The following CAMK2G variants were observed in gnomAD, a reference collection of about 807,000 sequenced individuals.
CAMK2G encodes the protein calcium/calmodulin-dependent protein kinase type II subunit gamma.
In CAMK2G, 23 loss-of-function variants were observed where a neutral mutation model predicts 88.7. The ratio of observed to expected loss-of-function variants is 0.26; its 90% CI spans 0.19 to 0.37. The LOEUF (loss-of-function observed/expected upper bound fraction) is 0.37, where lower values mean the gene tolerates loss of function less well. Ranked by LOEUF, CAMK2G falls within the 10% of genes least tolerant of loss-of-function variation. The pLI is 1.00. For missense variants in CAMK2G, 476 were observed against 780.8 expected (o/e 0.61, Z 4.65); for synonymous variants, 263 against 294.8 (o/e 0.89, Z 1.11).
intron 16 of CAMK2G, 100 bp from the exon 17 acceptor site, chr10:73,824,184 G>T: frequency 1.2e-6 from 1 of 823,704 alleles, no homozygotes; most frequent in Non-Finnish European, 2.1e-6. Context: ...CAGACCCTAT[G>T]ATGACCACTG....
At chr10:73,816,807 T>A in intron 21 of CAMK2G, 1 of 1,523,154 alleles carries the variant, frequency 6.6e-7, no homozygotes. Context: ...ACAAAGCAGC[T>A]GCAGAATGAA....
At chr10:73,843,683 A>G (rs948254448) in intron 10 of CAMK2G, among the ~76,000 whole-genome samples, 7 of 152,172 alleles carry the variant, frequency 4.6e-5, no homozygotes, top group African/African-American at 1.7e-4. Context: ...ACCTGCAGCC[A>G]GGTGCCCACC....
chr10:73,818,199 C>T (rs1589752774), intron 19 of CAMK2G: 1 of 172,972 alleles, frequency 5.8e-6, no homozygotes, highest in East Asian at 1.5e-4. Flanking sequence ...AGAGAGGCTG[C>T]TCCATTTACC....
intron 17 of CAMK2G, among the ~76,000 whole-genome samples, chr10:73,822,092 C>T (rs993827206): frequency 6.6e-6 from 1 of 152,242 alleles, no homozygotes; most frequent in African/African-American, 2.4e-5. Context: ...AACCTGACTC[C>T]AGGCCACCAG....
intron 2 of CAMK2G, among the ~76,000 whole-genome samples, chr10:73,866,406 GC>G (rs1177450267): frequency 3.3e-5 from 5 of 152,034 alleles, no homozygotes; most frequent in African/African-American, 1.2e-4. Flanking sequence ...GGGAGGGCTG[GC>G]CACAGATTCT....
intron 3 of CAMK2G, among the ~76,000 whole-genome samples, chr10:73,860,313 G>A (rs1487903017): frequency 6.6e-6 from 1 of 152,192 alleles, no homozygotes; most frequent in Non-Finnish European, 1.5e-5. Context: ...AGTGGTTCCT[G>A]CCATCCCTTC....
At chr10:73,850,197 A>G (rs2094520084) in intron 5 of CAMK2G, among the ~76,000 whole-genome samples, 2 of 152,130 alleles carry the variant, frequency 1.3e-5, no homozygotes, top group Non-Finnish European at 2.9e-5. Context: ...AGGTCTCACC[A>G]TGTTGCCCAG....
chr10:73,874,548 A>T lies in CAMK2G; in HGVS notation c.-87T>A. 2 of 910,778 alleles carry T rather than the reference A, an allele frequency of 2.2e-6. No homozygotes were observed. The highest frequency in any genetic ancestry group is 1.5e-6 in the Non-Finnish European group (1 of 651,850). The allele number at this position is 910,778 out of a possible 1,614,324, so 56.4% of individuals were successfully genotyped here. The stretch of plus-strand genomic sequence containing the variant: ...GCCCGGCCGAGGGAGCAAGAGGAGG[A>T]GACGGGGCTGAGCCCGGCAGCACCG... On this transcript the variant is annotated 5_prime_UTR_variant, in exon 1 of 23. Coordinates refer to ENST00000423381, the MANE Select transcript of CAMK2G (RefSeq NM_001367534.1).
intron 2 of CAMK2G, among the ~76,000 whole-genome samples, chr10:73,866,407 C>A (rs2135763407): frequency 6.6e-6 from 1 of 152,192 alleles, no homozygotes; most frequent in Middle Eastern, 3.4e-3. Flanking sequence ...GGAGGGCTGG[C>A]CACAGATTCT....
At chr10:73,852,757 G>A in intron 4 of CAMK2G, 1 of 237,288 alleles carries the variant, frequency 4.2e-6, no homozygotes, top group South Asian at 7.1e-5. Context: ...GTGTCCAGGA[G>A]GTAAGAGCCA....
chr10:73,825,376 C>G (rs1303934072), intron 15 of CAMK2G, 29 bp from the exon 16 acceptor site: 3 of 1,577,922 alleles, frequency 1.9e-6, no homozygotes, highest in Non-Finnish European at 2.6e-6. Flanking sequence ...TGGTTTAGTT[C>G]CTCCAGAGTC....
intron 1 of CAMK2G, chr10:73,873,640 A>C (rs1175487371): frequency 1.2e-5 from 6 of 508,464 alleles, no homozygotes; most frequent in Non-Finnish European, 1.5e-5. Context: ...GGACACAGTC[A>C]GACATCAAGA....
intron 21 of CAMK2G, chr10:73,816,145 T>C: frequency 2.0e-6 from 2 of 985,620 alleles, no homozygotes; most frequent in Non-Finnish European, 2.4e-6. Flanking sequence ...GAGGGTCTCA[T>C]AGAGCAGAGA....
chr10:73,873,313 C>G, intron 1 of CAMK2G: 2 of 1,353,744 alleles, frequency 1.5e-6, no homozygotes, highest in Non-Finnish European at 1.9e-6. Context: ...ACCCCCTCAT[C>G]CAGTCCCTGG....
At chr10:73,863,023 T>G (rs2095446428) in intron 2 of CAMK2G, among the ~76,000 whole-genome samples, 1 of 152,196 alleles carries the variant, frequency 6.6e-6, no homozygotes. Context: ...GGATTCAAAC[T>G]CAGGACTGTC....
chr10:73,828,963 G>A (rs2091824067), intron 14 of CAMK2G, among the ~76,000 whole-genome samples: 1 of 152,166 alleles, frequency 6.6e-6, no homozygotes, highest in Admixed American at 6.5e-5. Context: ...AAAATGAAGG[G>A]TAATTATCAA....
chr10:73,824,053 G>C lies in CAMK2G; in HGVS notation c.1187C>G (p.Thr396Arg), dbSNP rs369382185. Residue 396 changes from threonine to arginine, a missense_variant, in exon 17 of 23, where the codon ACA (threonine) becomes AGA (arginine). Thr to Arg is a moderately conservative substitution (Grantham distance 71). Transcript: ENST00000423381. ...GGAGCCACTCACCTTGATCCCATCT[G>C]TAGCGTTGTGTACCACAGTGGTTTG... is the stretch of plus-strand genomic sequence containing the variant. ...EPQTTVVHNA[T>R]DGIKGSTESC... 29 of 1,613,314 alleles carry C rather than the reference G, an allele frequency of 1.8e-5. No homozygotes were observed. The African/African-American group carries it at 3.5e-4, about 19-fold the overall frequency.
intron 2 of CAMK2G, among the ~76,000 whole-genome samples, chr10:73,871,603 G>A (rs2095832642): frequency 6.6e-6 from 1 of 152,156 alleles, no homozygotes; most frequent in African/African-American, 2.4e-5. Context: ...GTCTGCCAGA[G>A]AGCCCAGCCC....
intron 21 of CAMK2G, 131 bp from the exon 22 acceptor site, chr10:73,815,378 C>A (rs538353880): frequency 8.1e-5 from 52 of 645,866 alleles, no homozygotes; most frequent in African/African-American, 3.7e-4. Context: ...CGCCCCCCCC[C>A]ACCCCCGAAC....
Sources: gnomAD v4.1 joint callset for allele counts (sites outside exome capture counted in the v4.1 genomes callset) on GRCh38, gnomAD v4.1.1 for gene constraint, MANE v1.5 for transcripts, NCBI Gene and HGNC (gene_info 2026-07-23, HGNC 2026-07-21) for gene names.